The following MTMR8 variants were observed in gnomAD, a reference collection of about 807,000 sequenced individuals.
MTMR8 encodes the protein myotubularin related protein 8.
Under a neutral mutation model 39.3 loss-of-function variants are expected in MTMR8, and 65 were observed. That is an observed-to-expected ratio of 1.65 (90% CI 1.35 to 2.03). MTMR8 has a LOEUF of 2.03. Among genes scored for constraint, MTMR8 ranks in the 30% most tolerant of loss-of-function variants. The probability of loss-of-function intolerance (pLI) is 0.00; values close to 1 mark genes in which losing one functional copy is unlikely to be tolerated. For missense variants in MTMR8, 777 were observed against 538.9 expected (o/e 1.44, Z -4.37); for synonymous variants, 245 against 185.2 (o/e 1.32, Z -2.62).
At chrX:64,296,056 C>G (rs1921569075) in intron 12 of MTMR8, among the ~76,000 whole-genome samples, 2 of 111,866 alleles carry the variant, frequency 1.8e-5, no homozygotes, top group Non-Finnish European at 3.8e-5. Flanking sequence ...AGAAGCAACC[C>G]AGATGTCCAT....
At chrX:64,304,758 A>G (rs1281899474) in intron 12 of MTMR8, among the ~76,000 whole-genome samples, 2 of 102,206 alleles carry the variant, frequency 2.0e-5, no homozygotes, top group Non-Finnish European at 4.0e-5. Flanking sequence ...CATCTTGACC[A>G]CATTTGGGCA....
At chrX:64,300,697 T>C (rs1344484295) in intron 12 of MTMR8, among the ~76,000 whole-genome samples, 37 of 104,816 alleles carry the variant, frequency 3.5e-4, no homozygotes, top group African/African-American at 1.2e-3. Flanking sequence ...TTTGGCATGA[T>C]TTTGCAGCAG....
rs560332325 is a variant in MTMR8 at position 64,269,820 on chromosome X, A to G, written c.1609-777T>C. 4.0e-4 allele frequency among the ~76,000 whole-genome samples: 45 copies of G among 111,760 alleles called. No individual in the cohort carries two copies. The South Asian group carries it at 6.9e-3, about 17-fold the overall frequency. On this transcript the variant is annotated intron_variant, in intron 13 of 13. Transcript: ENST00000374852. ...AAGTCAACAGGGTTGTCTGGGTGAT[A>G]TTATCAGCAGCTTTGTTTTTCTGCT... is the stretch of plus-strand genomic sequence containing the variant.
chrX:64,366,811 C>T (rs990299721), intron 1 of MTMR8, among the ~76,000 whole-genome samples: 3 of 111,472 alleles, frequency 2.7e-5, no homozygotes, highest in Admixed American at 9.5e-5. Flanking sequence ...ATCAATGAAT[C>T]CAGGAGCTGG....
chrX:64,389,198 T>C (rs755333074), intron 1 of MTMR8, among the ~76,000 whole-genome samples: 1 of 111,960 alleles, frequency 8.9e-6, no homozygotes, highest in Admixed American at 9.5e-5. Context: ...CTATAAAGGT[T>C]AAATATTATT....
intron 12 of MTMR8, among the ~76,000 whole-genome samples, chrX:64,301,156 A>C (rs1340925028): frequency 9.1e-6 from 1 of 109,592 alleles, no homozygotes; most frequent in Non-Finnish European, 1.9e-5. Flanking sequence ...CTCCTGGATA[A>C]TATCCTGCAG....
In MTMR8 at chrX:64,345,144, C is replaced by T; in HGVS notation, c.766G>A (p.Gly256Arg). The T allele has an allele frequency of 8.3e-7, 1 of 1,211,241 alleles. No individual in the cohort carries two copies. Residue 256 changes from glycine (G) to arginine (R), a missense_variant, in exon 7 of 14, where the codon GGG becomes AGG. Coordinates refer to ENST00000374852, the MANE Select transcript of MTMR8 (RefSeq NM_017677.4). Reference sequence around the variant, plus strand: ...GCATAGTTGTCTTCATTTTCATACCCCTTCCCAGCTGCTCGGTTGGCCATG... The same window carrying T: ...GCATAGTTGTCTTCATTTTCATACCTCTTCCCAGCTGCTCGGTTGGCCATG... ...NAMANRAAGKGYENEDNYANI... is the reference protein window; with the variant it reads ...NAMANRAAGKRYENEDNYANI...
chrX:64,328,625 A>C (rs1296624022), intron 12 of MTMR8, 147 bp downstream of exon 12: 1 of 476,502 alleles, frequency 2.1e-6, no homozygotes. Flanking sequence ...TTGTTTTCAG[A>C]AGCAGCAATG....
intron 12 of MTMR8, chrX:64,305,290 A>T (rs1005266913): frequency 5.8e-6 from 1 of 172,202 alleles, no homozygotes; most frequent in East Asian, 1.8e-4. Context: ...AGCCATTTTT[A>T]ATATATTAAT....
At chrX:64,280,698 G>A (rs188890150) in intron 12 of MTMR8, among the ~76,000 whole-genome samples, 1 of 111,253 alleles carries the variant, frequency 9.0e-6, no homozygotes, top group African/African-American at 3.3e-5. Flanking sequence ...TTCCAGCCAG[G>A]GCAATCAGTC....
Position 64,326,205 on chromosome X carries a change from G to A in MTMR8, c.1481+2567C>T, listed in dbSNP as rs1205358518. Reference sequence around the variant, plus strand: ...GGAGGAAGAGGAAGAAGAAAAGTTGGTCTTGCTGACTCAGTGGTTGCAGAG... The same window carrying A: ...GGAGGAAGAGGAAGAAGAAAAGTTGATCTTGCTGACTCAGTGGTTGCAGAG... On this transcript the variant is annotated intron_variant, in intron 12 of 13. Coordinates refer to ENST00000374852, the MANE Select transcript of MTMR8 (RefSeq NM_017677.4). 3.6e-5 allele frequency among the ~76,000 whole-genome samples: 4 copies of A among 110,902 alleles called. No homozygotes were observed. In the Admixed American group the frequency reaches 3.8e-4, roughly 11 times the overall value.
In MTMR8 at chrX:64,343,700, T is replaced by C. The variant is rs761624382; in HGVS notation, c.886A>G (p.Thr296Ala). Residue 296 changes from threonine to alanine, a missense_variant, in exon 8 of 14, where the codon ACA becomes GCA. By Grantham distance (58) the Thr-to-Ala change is moderately conservative. Transcript: ENST00000374852. ...AGGCCGCTAAGAAATTCACTCATTG[T>C]TGGAGTTTTCAATTCACAAACTAAG... ...LLEVCELKTP[T>A]MSEFLSGLES... The C allele has an allele frequency of 3.3e-6, 4 of 1,203,300 alleles. No homozygotes were observed. Among genetic ancestry groups the C allele is most frequent in the Non-Finnish European group, 4.5e-6 (4 of 889,000 alleles).
intron 12 of MTMR8, among the ~76,000 whole-genome samples, chrX:64,323,064 C>A (rs1244635904): frequency 8.9e-6 from 1 of 112,182 alleles, no homozygotes; most frequent in African/African-American, 3.2e-5. Flanking sequence ...GGTGATTTGG[C>A]CCCCGTGTGA....
At chrX:64,336,759 T>G (rs768407501) in intron 9 of MTMR8, among the ~76,000 whole-genome samples, 15 of 111,452 alleles carry the variant, frequency 1.3e-4, no homozygotes, top group Admixed American at 1.0e-3. Context: ...ATCGCACCAC[T>G]GCACTCCAGC....
chrX:64,366,886 A>T (rs772975673), intron 1 of MTMR8, among the ~76,000 whole-genome samples: 1 of 112,027 alleles, frequency 8.9e-6, no homozygotes, highest in African/African-American at 3.2e-5. Flanking sequence ...AAGAGAGAAG[A>T]ATCAAATAGA....
At chrX:64,366,493 C>A (rs1442087321) in intron 1 of MTMR8, among the ~76,000 whole-genome samples, 1 of 112,075 alleles carries the variant, frequency 8.9e-6, no homozygotes, top group Admixed American at 9.5e-5. Context: ...GAACAACCTG[C>A]TCCTGAATGA....
chrX:64,330,878 C>T (rs1342197978), intron 11 of MTMR8, among the ~76,000 whole-genome samples: 1 of 111,629 alleles, frequency 9.0e-6, no homozygotes, highest in African/African-American at 3.3e-5. Flanking sequence ...CCTAAAATAA[C>T]TGGATTTTAA....
chrX:64,290,097 A>T (rs978189660), intron 12 of MTMR8, among the ~76,000 whole-genome samples: 1 of 110,923 alleles, frequency 9.0e-6, no homozygotes, highest in African/African-American at 3.3e-5. Context: ...CTGAATTAAA[A>T]CCTAAAAATG....
chrX:64,288,875 G>T (rs1257139862), intron 12 of MTMR8, among the ~76,000 whole-genome samples: 1 of 110,154 alleles, frequency 9.1e-6, no homozygotes, highest in Non-Finnish European at 1.9e-5. Flanking sequence ...TTGTAGGGTG[G>T]GGGCAGGTGG....
Sources: gnomAD v4.1 joint callset for allele counts (sites outside exome capture counted in the v4.1 genomes callset) on GRCh38, gnomAD v4.1.1 for gene constraint, MANE v1.5 for transcripts, NCBI Gene and HGNC (gene_info 2026-07-23, HGNC 2026-07-21) for gene names.